DLG2: variants seen among roughly 807,000 people sequenced by gnomAD.
DLG2 encodes the protein disks large homolog 2.
A neutral mutation model predicts 132.5 loss-of-function variants in DLG2; 45 were observed. The observed-to-expected ratio is 0.34, with a 90% confidence interval of 0.27 to 0.44. The LOEUF (loss-of-function observed/expected upper bound fraction) is 0.44, where lower values mean the gene tolerates loss of function less well. DLG2 is among the 20% of genes least tolerant of loss of function. DLG2 has a pLI of 1.00. For missense variants in DLG2, 1,045 were observed against 1,196.9 expected (o/e 0.87, Z 1.87); for synonymous variants, 424 against 419.6 (o/e 1.01, Z -0.13).
chr11:84,744,922 A>C (rs1358571225), intron 6 of DLG2, among the ~76,000 whole-genome samples: 2 of 151,042 alleles, frequency 1.3e-5, no homozygotes, highest in Admixed American at 6.6e-5. Context: ...AAAAAAAAGA[A>C]ACCTGGACAA....
At chr11:85,071,995 T>G (rs1440102732) in intron 6 of DLG2, among the ~76,000 whole-genome samples, 1 of 151,838 alleles carries the variant, frequency 6.6e-6, no homozygotes, top group African/African-American at 2.4e-5. Flanking sequence ...ACAAATGAAA[T>G]GAGAACGCAT....
intron 11 of DLG2, among the ~76,000 whole-genome samples, chr11:83,981,104 T>C (rs778511491): frequency 7.2e-5 from 11 of 152,182 alleles, no homozygotes; most frequent in Non-Finnish European, 1.0e-4. Context: ...CTGGATACTC[T>C]TGATATTTCA....
At chr11:83,791,591 C>T (rs564630861) in intron 17 of DLG2, 4 of 433,808 alleles carry the variant, frequency 9.2e-6, no homozygotes, top group East Asian at 1.1e-4. Context: ...TGACTAGTTA[C>T]CTAATCCAAC....
intron 19 of DLG2, among the ~76,000 whole-genome samples, chr11:83,611,231 T>C (rs1219603021): frequency 1.3e-5 from 2 of 152,082 alleles, no homozygotes; most frequent in African/African-American, 2.4e-5. Context: ...AACAATTGCA[T>C]AGCCCTTTTG....
intron 6 of DLG2, among the ~76,000 whole-genome samples, chr11:84,683,612 A>C (rs888443711): frequency 6.6e-6 from 1 of 152,214 alleles, no homozygotes; most frequent in Non-Finnish European, 1.5e-5. Flanking sequence ...CAAATGACAC[A>C]ACCACTGAAG....
intron 7 of DLG2, among the ~76,000 whole-genome samples, chr11:84,282,787 T>C (rs1229878240): frequency 6.6e-6 from 1 of 152,166 alleles, no homozygotes; most frequent in African/African-American, 2.4e-5. Flanking sequence ...CTTGCTCTAA[T>C]TTAGCTGTAA....
chr11:85,078,384 G>C (rs950466596), intron 6 of DLG2, among the ~76,000 whole-genome samples: 1 of 151,528 alleles, frequency 6.6e-6, no homozygotes, highest in Non-Finnish European at 1.5e-5. Context: ...GAACATTCCA[G>C]GCAGAAGAAA....
intron 21 of DLG2, among the ~76,000 whole-genome samples, chr11:83,530,468 T>C (rs558549161): frequency 1.3e-5 from 2 of 151,922 alleles, no homozygotes; most frequent in Admixed American, 6.6e-5. Context: ...TGATTCTGTA[T>C]GATATTCACA....
chr11:83,846,213 C>G (rs1395606695), intron 16 of DLG2, among the ~76,000 whole-genome samples: 2 of 152,088 alleles, frequency 1.3e-5, no homozygotes, highest in Non-Finnish European at 2.9e-5. Flanking sequence ...AGGGCCAGAG[C>G]GGAGATATGC....
intron 18 of DLG2, among the ~76,000 whole-genome samples, chr11:83,748,169 C>T (rs73511034): frequency 0.016 from 2,367 of 152,230 alleles, 70 homozygotes; most frequent in African/African-American, 0.055. Flanking sequence ...TATGGTCTAC[C>T]CTTGATACAT....
chr11:84,561,069 CATA>C (rs1199700258), intron 6 of DLG2, among the ~76,000 whole-genome samples: 1 of 151,936 alleles, frequency 6.6e-6, no homozygotes, highest in Non-Finnish European at 1.5e-5. Context: ...TAATTATAGC[CATA>C]ATATTAGCTG....
chr11:84,176,729 A>G (rs1000114695), intron 8 of DLG2, among the ~76,000 whole-genome samples: 1 of 152,096 alleles, frequency 6.6e-6, no homozygotes, highest in Non-Finnish European at 1.5e-5. Flanking sequence ...GAAGTCTCAG[A>G]GACAGAATTT....
chr11:84,765,888 A>G (rs547402883), intron 6 of DLG2, among the ~76,000 whole-genome samples: 44 of 152,052 alleles, frequency 2.9e-4, no homozygotes, highest in Admixed American at 1.3e-4. Context: ...CTATTATATC[A>G]GCATCACCTT....
chr11:84,110,529 G>A (rs1330606953), intron 9 of DLG2, among the ~76,000 whole-genome samples: 1 of 152,182 alleles, frequency 6.6e-6, no homozygotes, highest in East Asian at 1.9e-4. Context: ...GCTTGTGAAG[G>A]AAAATGGGGA....
At chr11:85,233,891 G>A (rs925824249) in intron 4 of DLG2, among the ~76,000 whole-genome samples, 1 of 151,754 alleles carries the variant, frequency 6.6e-6, no homozygotes, top group East Asian at 1.9e-4. Context: ...TCTTAAACTT[G>A]AAATATCTTT....
intron 16 of DLG2, among the ~76,000 whole-genome samples, chr11:83,843,591 AC>A (rs1471648715): frequency 3.4e-5 from 5 of 147,162 alleles, no homozygotes; most frequent in African/African-American, 1.3e-4. Context: ...AGACATACAA[AC>A]AAAAATATTG....
chr11:84,917,338 C>T (rs1345253689), intron 6 of DLG2, among the ~76,000 whole-genome samples: 2 of 152,120 alleles, frequency 1.3e-5, no homozygotes, highest in Non-Finnish European at 2.9e-5. Context: ...TTATTGTTTA[C>T]TTAATTCCTT....
chr11:85,594,933 G>A (rs1212408205), intron 3 of DLG2, among the ~76,000 whole-genome samples: 1 of 151,822 alleles, frequency 6.6e-6, no homozygotes, highest in Non-Finnish European at 1.5e-5. Flanking sequence ...AGGAGTGGTG[G>A]TGCATGCCTG....
chr11:83,811,374 G>C (rs1020973636), intron 17 of DLG2, among the ~76,000 whole-genome samples: 4 of 151,934 alleles, frequency 2.6e-5, no homozygotes, highest in African/African-American at 9.7e-5. Context: ...GTCTGTATTA[G>C]GTTGAACCAC....
Sources: gnomAD v4.1 joint callset for allele counts (sites outside exome capture counted in the v4.1 genomes callset) on GRCh38, gnomAD v4.1.1 for gene constraint, MANE v1.5 for transcripts, NCBI Gene and HGNC (gene_info 2026-07-23, HGNC 2026-07-21) for gene names.